The following RAPGEF6 variants were observed in gnomAD, a reference collection of about 807,000 sequenced individuals.
The protein encoded by RAPGEF6 is PDZ domain containing guanine nucleotide exchange factor (GEF) 2.
Under a neutral mutation model 171.4 loss-of-function variants are expected in RAPGEF6, and 56 were observed. That is an observed-to-expected ratio of 0.33 (90% confidence interval 0.26 to 0.41). The LOEUF (loss-of-function observed/expected upper bound fraction) is 0.41, where lower values mean the gene tolerates loss of function less well. Among genes scored for constraint, RAPGEF6 ranks in the 10% least tolerant of loss-of-function variants. The pLI is 1.00. For missense variants in RAPGEF6, 1,674 were observed against 1,921.4 expected (o/e 0.87, Z 2.41); for synonymous variants, 692 against 650.1 (o/e 1.06, Z -0.98).
intron 3 of RAPGEF6, among the ~76,000 whole-genome samples, chr5:131,602,013 C>T (rs537337232): frequency 2.6e-4 from 37 of 140,556 alleles, no homozygotes; most frequent in South Asian, 1.4e-3. Context: ...CCAGCCTGGG[C>T]GACAGAGCGA....
At chr5:131,469,850 A>C (rs1754624364) in intron 17 of RAPGEF6, 2 of 1,510,568 alleles carry the variant, frequency 1.3e-6, no homozygotes, top group Non-Finnish European at 1.8e-6. Flanking sequence ...AATCAAAGTA[A>C]GCAATCAAAA....
chr5:131,566,825 T>C lies in RAPGEF6; in HGVS notation c.282-4778A>G, dbSNP rs564192825. Among the ~76,000 whole-genome samples the C allele has an allele frequency of 7.5e-4, 114 of 152,090 alleles. 2 individuals carry two copies. The South Asian group carries it at 0.012, about 16-fold the overall frequency. On this transcript the variant is annotated intron_variant, in intron 4 of 27. Coordinates refer to ENST00000509018, the MANE Select transcript of RAPGEF6 (RefSeq NM_016340.6). Reference sequence around the variant, plus strand: ...GCAAGTTGATCATAAATTTCCTTTGTAGGCCGGGCGCGGTGGCTGACACCT... The same window carrying C: ...GCAAGTTGATCATAAATTTCCTTTGCAGGCCGGGCGCGGTGGCTGACACCT...
chr5:131,575,986 T>G (rs1580606549), intron 4 of RAPGEF6, among the ~76,000 whole-genome samples: 2 of 152,182 alleles, frequency 1.3e-5, no homozygotes, highest in East Asian at 3.8e-4. Flanking sequence ...TCTATTTTTC[T>G]CCTCACACTT....
At chr5:131,514,204 T>C (rs1757927874) in intron 7 of RAPGEF6, among the ~76,000 whole-genome samples, 1 of 152,082 alleles carries the variant, frequency 6.6e-6, no homozygotes, top group African/African-American at 2.4e-5. Context: ...AAAATAAGAC[T>C]GTTCAAAAAC....
At chr5:131,488,385 A>T (rs554906638) in intron 15 of RAPGEF6, among the ~76,000 whole-genome samples, 1 of 152,364 alleles carries the variant, frequency 6.6e-6, no homozygotes, top group South Asian at 2.1e-4. Context: ...GAGAAACTGA[A>T]GCTTGGAAAG....
chr5:131,604,543 AAG>A, intron 2 of RAPGEF6, 78 bp downstream of exon 2: 1 of 1,470,816 alleles, frequency 6.8e-7, no homozygotes, highest in Non-Finnish European at 9.4e-7. Flanking sequence ...AAGGAATATA[AAG>A]GTGCTTAACA....
chr5:131,506,028 A>G (rs551320859), intron 9 of RAPGEF6, among the ~76,000 whole-genome samples: 2 of 152,382 alleles, frequency 1.3e-5, no homozygotes, highest in Admixed American at 6.5e-5. Context: ...TTTCAGAAAG[A>G]CTAGTTAAAA....
chr5:131,504,638 G>C lies in RAPGEF6; in HGVS notation c.1242C>G (p.His414Gln). The C allele has an allele frequency of 6.2e-7, 1 of 1,604,706 alleles. No individual in the cohort carries two copies. Among genetic ancestry groups the C allele is most frequent in the East Asian group, 2.2e-5 (1 of 44,644 alleles). ...ELDRSGTRKG[H>Q]IVIKATPERL... The stretch of plus-strand genomic sequence containing the variant: ...TAAAAACACCCACCTTGATCACAAT[G>C]TGTCCTTTCCTGGTTCCACTCCGGT... The change falls in exon 11 of 28, where the codon CAC (histidine) becomes CAG (glutamine). Residue 414 changes from histidine (H) to glutamine (Q), a missense_variant. Around this residue, in one of 3 missense-constraint regions of RAPGEF6, gnomAD observed 1,116 missense variants for 1,321.5 expected, o/e 0.84. Coordinates refer to ENST00000509018, the MANE Select transcript of RAPGEF6 (RefSeq NM_016340.6).
At position 131,601,066 on chromosome 5, in the gene RAPGEF6, G is replaced by C. The variant is rs565308002; in HGVS notation, c.197+2205C>G. Among the ~76,000 whole-genome samples the C allele has an allele frequency of 1.9e-4, 25 of 128,626 alleles. 1 individual carries two copies. Among genetic ancestry groups the C allele is most frequent in the Non-Finnish European group, 3.9e-4 (24 of 62,276 alleles). 84.4% of individuals were successfully genotyped at this position (128,626 alleles called of 152,430 possible). On this transcript the variant is annotated intron_variant, in intron 3 of 27. Coordinates refer to ENST00000509018, the MANE Select transcript of RAPGEF6 (RefSeq NM_016340.6). ...GGAGTTCAAGACTGGCCTGGGCAAC[G>C]CAAGAAAACTCCATTTCAAAAAAAA...
At chr5:131,568,952 T>C (rs770340506) in intron 4 of RAPGEF6, among the ~76,000 whole-genome samples, 1 of 152,016 alleles carries the variant, frequency 6.6e-6, no homozygotes, top group Non-Finnish European at 1.5e-5. Context: ...ATGAATAATA[T>C]GAAAATGAAA....
intron 7 of RAPGEF6, among the ~76,000 whole-genome samples, chr5:131,519,138 C>G (rs1346110032): frequency 1.3e-5 from 2 of 152,144 alleles, no homozygotes; most frequent in Non-Finnish European, 2.9e-5. Context: ...CACCTCCAAC[C>G]AACACCAGCA....
chr5:131,504,528 G>A, intron 11 of RAPGEF6, 98 bp downstream of exon 11: 1 of 1,215,594 alleles, frequency 8.2e-7, no homozygotes, highest in Non-Finnish European at 1.1e-6. Context: ...AAGTGTTAAT[G>A]AATTATCTTG....
At chr5:131,537,855 A>G (rs1470345222) in intron 6 of RAPGEF6, among the ~76,000 whole-genome samples, 1 of 152,048 alleles carries the variant, frequency 6.6e-6, no homozygotes, top group Non-Finnish European at 1.5e-5. Flanking sequence ...ACAGTTTGGG[A>G]GGCCGAGGCA....
At chr5:131,463,768 A>G in intron 18 of RAPGEF6, 1 of 1,057,774 alleles carries the variant, frequency 9.5e-7, no homozygotes, top group Non-Finnish European at 1.1e-6. Flanking sequence ...GCCATATTAA[A>G]AACAAATTTA....
At chr5:131,595,847 A>AAACG (rs34294685) in intron 3 of RAPGEF6, among the ~76,000 whole-genome samples, 83 of 151,884 alleles carry the variant, frequency 5.5e-4, no homozygotes, top group Admixed American at 3.5e-3. Context: ...TGTTAAAGAC[A>AAACG]TAGATTGAAA....
At chr5:131,615,153 T>A (rs1427022137) in intron 1 of RAPGEF6, among the ~76,000 whole-genome samples, 1 of 152,208 alleles carries the variant, frequency 6.6e-6, no homozygotes, top group Non-Finnish European at 1.5e-5. Context: ...CTGGATTGTC[T>A]GACCTATTAA....
At chr5:131,442,124 C>T (rs753109003) in intron 23 of RAPGEF6, among the ~76,000 whole-genome samples, 3 of 152,060 alleles carry the variant, frequency 2.0e-5, no homozygotes, top group South Asian at 2.1e-4. Context: ...TTCTATTGAT[C>T]GACAGATTTC....
Position 131,464,182 on chromosome 5 carries a change from G to T in RAPGEF6, c.2339C>A (p.Ala780Asp). Residue 780 changes from alanine to aspartate, a missense_variant, in exon 18 of 28, where the codon GCT (alanine) becomes GAT (aspartate). Around this residue, in one of 3 missense-constraint regions of RAPGEF6, gnomAD observed 1,116 missense variants for 1,321.5 expected, o/e 0.84. Coordinates refer to ENST00000509018, the MANE Select transcript of RAPGEF6 (RefSeq NM_016340.6). ...ACCGGTCAAACCAAATTCATGAACA[G>T]CATGAAAAACTACTTCTTTAGCTGT... Reference protein sequence around the residue: ...DTTAKEVVFHAVHEFGLTGAS... With the variant: ...DTTAKEVVFHDVHEFGLTGAS... 6.2e-7 allele frequency: 1 copy of T among 1,613,784 alleles called. No individual in the cohort carries two copies. The highest frequency in any genetic ancestry group is 8.5e-7 in the Non-Finnish European group (1 of 1,179,740).
At chr5:131,561,936 G>A (rs1761628664) in intron 5 of RAPGEF6, 42 bp downstream of exon 5, 1 of 1,435,826 alleles carries the variant, frequency 7.0e-7, no homozygotes, top group East Asian at 2.3e-5. Context: ...AGTTAAAACT[G>A]AAGCATATCA....
Sources: gnomAD v4.1 joint callset for allele counts (sites outside exome capture counted in the v4.1 genomes callset) on GRCh38, gnomAD v4.1.1 for gene constraint, gnomAD v4.1.1 regional missense constraint, MANE v1.5 for transcripts, NCBI Gene and HGNC (gene_info 2026-07-23, HGNC 2026-07-21) for gene names.